The following AVPI1 variants were observed in gnomAD, a reference collection of about 807,000 sequenced individuals.
The protein encoded by AVPI1 is arginine vasopressin induced 1.
A neutral mutation model predicts 11.9 loss-of-function variants in AVPI1; 9 were observed. That is an observed-to-expected ratio of 0.76 (90% CI 0.46 to 1.32). The LOEUF (loss-of-function observed/expected upper bound fraction) is 1.32, where lower values mean the gene tolerates loss of function less well. Among genes scored for constraint, AVPI1 ranks in the 40% most tolerant of loss-of-function variants. The pLI is 0.00. For synonymous variants in AVPI1, 68 were observed against 78.1 expected (o/e 0.87, Z 0.68); for missense variants, 207 against 195.8 (o/e 1.06, Z -0.34).
chr10:97,686,475 C>T (rs1359964040), intron 1 of AVPI1, among the ~76,000 whole-genome samples: 1 of 152,164 alleles, frequency 6.6e-6, no homozygotes, highest in Non-Finnish European at 1.5e-5. Flanking sequence ...ACCCATTTTA[C>T]AGATGAGAAA....
In AVPI1 at chr10:97,686,946, C is replaced by G. The variant is rs2041733394; in HGVS notation, c.-191G>C. ...TGGCAGAGGGTATCCTGGCCGAGGTCCTAAGGCGACATCTGCAGCACGAGG... is the reference window on the plus strand; with the variant it reads ...TGGCAGAGGGTATCCTGGCCGAGGTGCTAAGGCGACATCTGCAGCACGAGG... On this transcript the variant is annotated 5_prime_UTR_variant, in exon 1 of 3. Transcript: ENST00000370626. 6.6e-6 allele frequency: 1 copy of G among 152,360 alleles called. No individual in the cohort carries two copies. The highest frequency in any genetic ancestry group is 1.5e-5 in the Non-Finnish European group (1 of 68,166). 9.4% of individuals were successfully genotyped at this position (152,360 alleles called of 1,614,324 possible).
chr10:97,681,923 A>G (rs2041707006), intron 1 of AVPI1, among the ~76,000 whole-genome samples: 1 of 151,604 alleles, frequency 6.6e-6, no homozygotes, highest in African/African-American at 2.4e-5. Context: ...AAAAAAGAAT[A>G]CAATGATACA....
intron 2 of AVPI1, among the ~76,000 whole-genome samples, chr10:97,678,884 T>G (rs867187093): frequency 0.091 from 286 of 3,158 alleles, no homozygotes; most frequent in African/African-American, 0.19. Flanking sequence ...GGGGAGGGTG[T>G]GTGTGTGTGT....
chr10:97,677,912 C>T lies in AVPI1; in HGVS notation c.401G>A (p.Arg134Lys). Residue 134 changes from arginine (R) to lysine (K), a missense_variant, in exon 3 of 3, where the codon AGG becomes AAG. Arg to Lys is a conservative substitution (Grantham distance 26). Coordinates refer to ENST00000370626, the MANE Select transcript of AVPI1 (RefSeq NM_021732.3). The part of the protein sequence containing the change: ...KKSARIRRNW[R>K]KSGPTSYLHQ... ...GAGGTAGCTTGTGGGGCCTGACTTC[C>T]TCCAGTTCCGGCGGATCCTGGCACT... 1 of 1,614,200 alleles carries T rather than the reference C, an allele frequency of 6.2e-7. No individual in the cohort carries two copies. The highest frequency in any genetic ancestry group is 8.5e-7 in the Non-Finnish European group (1 of 1,180,030).
chr10:97,682,528 C>A (rs1230711801), intron 1 of AVPI1, among the ~76,000 whole-genome samples: 1 of 152,098 alleles, frequency 6.6e-6, no homozygotes, highest in African/African-American at 2.4e-5. Context: ...AGAAGTAACC[C>A]TTCCCCTAAC....
In AVPI1 at chr10:97,677,672, T is replaced by C; in HGVS notation, c.*197A>G. 1.7e-6 allele frequency: 1 copy of C among 583,430 alleles called. No homozygotes were observed. The highest frequency in any genetic ancestry group is 3.0e-5 in the East Asian group (1 of 33,868). The allele number at this position is 583,430 out of a possible 1,614,324, so 36.1% of individuals were successfully genotyped here. ...GGAACAGTCACTGTCTCTCCTCATT[T>C]TGGTGAGGAATGGGTCCCACATAAT... On this transcript the variant is annotated 3_prime_UTR_variant, in exon 3 of 3. Coordinates refer to ENST00000370626, the MANE Select transcript of AVPI1 (RefSeq NM_021732.3).
intron 2 of AVPI1, 34 bp downstream of exon 2, chr10:97,679,585 C>G (rs775637062): frequency 6.4e-7 from 1 of 1,574,232 alleles, no homozygotes; most frequent in Non-Finnish European, 8.6e-7. Flanking sequence ...GGCATTAGTG[C>G]TCTTCCCTCA....
rs901919010 is a variant in AVPI1 at position 97,677,793 on chromosome 10, A to C, written c.*76T>G. 2.5e-6 allele frequency: 4 copies of C among 1,570,600 alleles called. No homozygotes were observed. Among genetic ancestry groups the C allele is most frequent in the Middle Eastern group, 3.4e-4 (2 of 5,858 alleles). ...ATTTACCCCTTTGGGCTGCTTGCCT[A>C]AAGTCTCTCTTCCTTCACCTCCCCA... On this transcript the variant is annotated 3_prime_UTR_variant, in exon 3 of 3. Transcript: ENST00000370626.
chr10:97,677,835 G>A lies in AVPI1; in HGVS notation c.*34C>T. ...ACCTCCCCAGGCCTTTTGGCAAGAG[G>A]GAAGACACTGCCATTCCTGGCTCTT... is the stretch of plus-strand genomic sequence containing the variant. On this transcript the variant is annotated 3_prime_UTR_variant, in exon 3 of 3. Transcript: ENST00000370626. The A allele has an allele frequency of 1.2e-6, 2 of 1,610,820 alleles. No homozygotes were observed. The highest frequency in any genetic ancestry group is 1.7e-6 in the Non-Finnish European group (2 of 1,177,882).
intron 2 of AVPI1, among the ~76,000 whole-genome samples, chr10:97,678,714 TGTCACTCAG>T (rs2041679596): frequency 1.3e-5 from 2 of 150,796 alleles, no homozygotes; most frequent in Non-Finnish European, 2.9e-5. Flanking sequence ...AATCTCACTC[TGTCACTCAG>T]GTCACTCAGG....
In AVPI1 at chr10:97,679,629, T is replaced by C; in HGVS notation, c.277A>G (p.Ser93Gly). Residue 93 changes from serine (S) to glycine (G), a missense_variant, in exon 2 of 3, where the codon AGC becomes GGC. Coordinates refer to ENST00000370626, the MANE Select transcript of AVPI1 (RefSeq NM_021732.3). ...GTTCTAGGAACCTACCTGAGGCGGC[T>C]GCAGTGGTGTAGCGAGTGGCCCAGG... ...KPLGHSLHHC[S>G]RLRILEPHSA... 2 of 1,611,162 alleles carry C rather than the reference T, an allele frequency of 1.2e-6. No individual in the cohort carries two copies. Among genetic ancestry groups the C allele is most frequent in the Non-Finnish European group, 1.7e-6 (2 of 1,178,352 alleles).
Position 97,677,666 on chromosome 10 carries a change from C to A in AVPI1, c.*203G>T. ...GTGGCAGGAACAGTCACTGTCTCTC[C>A]TCATTTTGGTGAGGAATGGGTCCCA... On this transcript the variant is annotated 3_prime_UTR_variant, in exon 3 of 3. Transcript: ENST00000370626. 1.7e-6 allele frequency: 1 copy of A among 575,414 alleles called. No individual in the cohort carries two copies. Among genetic ancestry groups the A allele is most frequent in the East Asian group, 3.0e-5 (1 of 33,622 alleles). The allele number at this position is 575,414 out of a possible 1,614,324, so 35.6% of individuals were successfully genotyped here. A position where few individuals can be genotyped will look rare whatever the true frequency, so the allele number is the denominator to read the frequency against.
chr10:97,678,912 T>TTTTCA, intron 2 of AVPI1, among the ~76,000 whole-genome samples: 1 of 10,030 alleles, frequency 1.0e-4, no homozygotes, highest in Non-Finnish European at 2.4e-4. Context: ...TGTGTGTGTG[T>TTTTCA]GTGTGTGTGT....
At chr10:97,682,039 G>A (rs1028869073) in intron 1 of AVPI1, among the ~76,000 whole-genome samples, 13 of 152,220 alleles carry the variant, frequency 8.5e-5, no homozygotes, top group Non-Finnish European at 1.8e-4. Flanking sequence ...CATGCAGGAG[G>A]ATGTGCGCAG....
At chr10:97,683,304 T>TC (rs1221810341) in intron 1 of AVPI1, among the ~76,000 whole-genome samples, 9 of 152,164 alleles carry the variant, frequency 5.9e-5, no homozygotes, top group African/African-American at 2.2e-4. Flanking sequence ...ATTACAGGCG[T>TC]CCCCCACCAC....
At chr10:97,682,973 AC>A (rs1168113271) in intron 1 of AVPI1, among the ~76,000 whole-genome samples, 1 of 152,202 alleles carries the variant, frequency 6.6e-6, no homozygotes, top group Admixed American at 6.5e-5. Context: ...AGAAAAGCTA[AC>A]TATGGGATAT....
At chr10:97,681,713 TA>T (rs555152169) in intron 1 of AVPI1, among the ~76,000 whole-genome samples, 13,999 of 131,902 alleles carry the variant, frequency 0.11, 1,142 homozygotes, top group Non-Finnish European at 0.15. Context: ...CCGTCTCTAC[TA>T]AAAAATACAA....
chr10:97,681,930 TACA>T (rs938909549), intron 1 of AVPI1, among the ~76,000 whole-genome samples: 1 of 145,142 alleles, frequency 6.9e-6, no homozygotes, highest in African/African-American at 2.5e-5. Flanking sequence ...AATACAATGA[TACA>T]ACAATTAAAA....
In AVPI1 at chr10:97,686,941, G is replaced by C. The variant is rs1424441734; in HGVS notation, c.-186C>G. On this transcript the variant is annotated 5_prime_UTR_variant, in exon 1 of 3. Coordinates refer to ENST00000370626, the MANE Select transcript of AVPI1 (RefSeq NM_021732.3). ...GAGCATGGCAGAGGGTATCCTGGCC[G>C]AGGTCCTAAGGCGACATCTGCAGCA... The C allele has an allele frequency of 3.3e-5, 5 of 152,386 alleles. No homozygotes were observed. Among genetic ancestry groups the C allele is most frequent in the Non-Finnish European group, 5.9e-5 (4 of 68,184 alleles). 9.4% of individuals were successfully genotyped at this position (152,386 alleles called of 1,614,324 possible). A position where few individuals can be genotyped will look rare whatever the true frequency, so the allele number is the denominator to read the frequency against.
Sources: allele counts gnomAD v4.1 joint callset (sites outside exome capture counted in the v4.1 genomes callset), GRCh38; gene constraint gnomAD v4.1.1; transcripts MANE v1.5; gene names NCBI Gene and HGNC (gene_info 2026-07-23, HGNC 2026-07-21).